The following ROBO2 variants were observed in gnomAD, a reference collection of about 807,000 sequenced individuals.
ROBO2 encodes the protein roundabout guidance receptor 2.
A neutral mutation model predicts 160.8 loss-of-function variants in ROBO2; 53 were observed. That is an observed-to-expected ratio of 0.33 (90% CI 0.26 to 0.41). The LOEUF (loss-of-function observed/expected upper bound fraction) is 0.41. Ranked by LOEUF, ROBO2 falls within the 10% of genes least tolerant of loss-of-function variation. ROBO2 has a pLI of 1.00. For synonymous variants in ROBO2, 664 were observed against 611.7 expected, an observed-to-expected ratio of 1.09 and a Z score of -1.26; for missense variants, 1,577 against 1,722.4, an observed-to-expected ratio of 0.92 and a Z score of 1.49.
intron 2 of ROBO2, among the ~76,000 whole-genome samples, chr3:77,240,974 T>A (rs2088950912): frequency 6.6e-6 from 1 of 152,244 alleles, no homozygotes; most frequent in Admixed American, 6.5e-5. Flanking sequence ...ACTTACTTTT[T>A]GTTATTTTTT....
At chr3:77,562,507 A>G in intron 9 of ROBO2, 144 bp from the exon 11 acceptor site, 2 of 616,622 alleles carry the variant, frequency 3.2e-6, no homozygotes, top group South Asian at 1.8e-5. Flanking sequence ...TTTTATGTAT[A>G]CATATGATTG....
At chr3:77,560,461 A>G (rs143781191) in intron 9 of ROBO2, among the ~76,000 whole-genome samples, 78 of 152,264 alleles carry the variant, frequency 5.1e-4, no homozygotes, top group Non-Finnish European at 3.7e-4. Context: ...TGAGGACCCC[A>G]AAATGAAAAC....
chr3:76,773,451 C>T (rs1382903391), intron 2 of ROBO2, among the ~76,000 whole-genome samples: 2 of 150,868 alleles, frequency 1.3e-5, no homozygotes, highest in Admixed American at 6.6e-5. Flanking sequence ...TACATACATG[C>T]ACCTTACCTT....
intron 2 of ROBO2, among the ~76,000 whole-genome samples, chr3:75,975,658 A>C (rs2107399688): frequency 6.6e-6 from 1 of 151,688 alleles, no homozygotes; most frequent in South Asian, 2.1e-4. Context: ...TGGTTGATGG[A>C]AGCCTTAAGA....
At chr3:77,546,255 A>G (rs2092693726) in intron 6 of ROBO2, 83 bp from the exon 8 acceptor site, 4 of 1,462,532 alleles carry the variant, frequency 2.7e-6, no homozygotes, top group Non-Finnish European at 2.9e-6. Context: ...TGAACAGTCA[A>G]CATAGTACCA....
intron 2 of ROBO2, among the ~76,000 whole-genome samples, chr3:76,479,247 C>T (rs1022035204): frequency 2.6e-5 from 4 of 152,112 alleles, no homozygotes; most frequent in Admixed American, 6.6e-5. Flanking sequence ...AATTCTATAA[C>T]GTTACAAAAT....
intron 23 of ROBO2, among the ~76,000 whole-genome samples, chr3:77,628,167 A>C (rs961005642): frequency 7.0e-6 from 1 of 142,764 alleles, no homozygotes; most frequent in Non-Finnish European, 1.5e-5. Flanking sequence ...AACACAAATA[A>C]ATTTGGCTAT....
chr3:76,398,077 A>C (rs939027210), intron 2 of ROBO2, among the ~76,000 whole-genome samples: 2 of 152,114 alleles, frequency 1.3e-5, no homozygotes, highest in African/African-American at 4.8e-5. Context: ...AACCAACCCA[A>C]ATGTCCAACA....
In ROBO2 at chr3:76,323,138, T is replaced by TTTACACACAC. The variant is rs766519557; in HGVS notation, c.109+385536_109+385537insTTACACACAC. 3.5e-5 allele frequency among the ~76,000 whole-genome samples: 5 copies of TTTACACACAC among 144,044 alleles called. No homozygotes were observed. In the East Asian group the frequency reaches 1.0e-3, roughly 30 times the overall value. 94.5% of individuals were successfully genotyped at this position (144,044 alleles called of 152,430 possible). ...CAAATCTTTTACTTATTGTTAGTAT[T>TTTACACACAC]ACACACACACACACACACACACACA... is the stretch of plus-strand genomic sequence containing the variant. On this transcript the variant is annotated intron_variant, in intron 2 of 26. Coordinates refer to the ROBO2 transcript ENST00000487694.
intron 2 of ROBO2, chr3:77,316,883 T>A (rs1169711794): frequency 8.5e-7 from 1 of 1,171,850 alleles, no homozygotes; most frequent in Non-Finnish European, 1.3e-6. Flanking sequence ...CCTATCAGGC[T>A]GGAGTTGTTC....
intron 2 of ROBO2, among the ~76,000 whole-genome samples, chr3:76,975,990 T>C (rs1429253127): frequency 6.6e-6 from 1 of 152,182 alleles, no homozygotes; most frequent in Non-Finnish European, 1.5e-5. Flanking sequence ...GGGCAGATAA[T>C]TGGACGTACA....
intron 2 of ROBO2, among the ~76,000 whole-genome samples, chr3:77,124,625 A>G (rs2075138636): frequency 1.3e-5 from 2 of 152,126 alleles, no homozygotes; most frequent in South Asian, 2.1e-4. Flanking sequence ...CAGGGTAGGA[A>G]AAACTTGAGG....
chr3:76,646,199 C>G (rs1040900205), intron 2 of ROBO2, among the ~76,000 whole-genome samples: 1 of 152,116 alleles, frequency 6.6e-6, no homozygotes, highest in African/African-American at 2.4e-5. Context: ...TGGAGATACC[C>G]TTGTAGTCCT....
In ROBO2 at chr3:76,617,500, A is replaced by C. The variant is rs558900614; in HGVS notation, c.110-480514A>C. On this transcript the variant is annotated intron_variant, in intron 2 of 26. Transcript: ENST00000487694. ...TGTTGTTACTGTTACAATGGTATTA[A>C]GAGATAGTTCAGTATATCTCATATG... 1.2e-4 allele frequency among the ~76,000 whole-genome samples: 18 copies of C among 152,306 alleles called. No homozygotes were observed. In the East Asian group the frequency reaches 3.3e-3, roughly 28 times the overall value.
intron 2 of ROBO2, among the ~76,000 whole-genome samples, chr3:76,609,837 T>C (rs1314677311): frequency 6.6e-6 from 1 of 152,226 alleles, no homozygotes; most frequent in Non-Finnish European, 1.5e-5. Flanking sequence ...TCATTCAGTA[T>C]GATACTAGCT....
chr3:76,199,254 G>A (rs904284367), intron 2 of ROBO2, among the ~76,000 whole-genome samples: 5 of 152,062 alleles, frequency 3.3e-5, no homozygotes, highest in African/African-American at 1.2e-4. Context: ...CACCTTGGCT[G>A]GCTTTGAAGA....
At chr3:76,489,716 A>G (rs1332628765) in intron 2 of ROBO2, among the ~76,000 whole-genome samples, 3 of 152,144 alleles carry the variant, frequency 2.0e-5, no homozygotes, top group Admixed American at 2.0e-4. Flanking sequence ...ACTTTTACAT[A>G]TGTAAATCTA....
chr3:77,421,081 A>G (rs2077673294), intron 2 of ROBO2, among the ~76,000 whole-genome samples: 1 of 152,136 alleles, frequency 6.6e-6, no homozygotes, highest in Non-Finnish European at 1.5e-5. Context: ...TGGAAAAATC[A>G]CATTAGAAGT....
intron 2 of ROBO2, among the ~76,000 whole-genome samples, chr3:76,221,360 C>G (rs997574037): frequency 4.7e-5 from 7 of 148,804 alleles, no homozygotes; most frequent in African/African-American, 1.7e-4. Flanking sequence ...GTGAGTAGTG[C>G]CACTCTCATT....
Sources: allele counts gnomAD v4.1 joint callset (sites outside exome capture counted in the v4.1 genomes callset), GRCh38; gene constraint gnomAD v4.1.1; transcripts MANE v1.5; gene names NCBI Gene and HGNC (gene_info 2026-07-23, HGNC 2026-07-21).